ESCO1: variants seen among roughly 807,000 people sequenced by gnomAD.
ESCO1 encodes the protein establishment of sister chromatid cohesion N-acetyltransferase 1.
A neutral mutation model predicts 83.5 loss-of-function variants in ESCO1; 33 were observed. That is an observed-to-expected ratio of 0.40 (90% CI 0.30 to 0.53). The LOEUF is 0.53. ESCO1 is among the 20% of genes least tolerant of loss of function. ESCO1 has a pLI of 0.63. For missense variants in ESCO1, 855 were observed against 968.0 expected (o/e 0.88, Z 1.55); for synonymous variants, 332 against 324.3 (o/e 1.02, Z -0.25).
intron 8 of ESCO1, among the ~76,000 whole-genome samples, chr18:21,560,325 A>ATTTT (rs36024258): frequency 9.1e-5 from 13 of 143,012 alleles, no homozygotes; most frequent in African/African-American, 2.6e-4. Context: ...CTCTGTGGGA[A>ATTTT]TTTTTTTTTT....
intron 1 of ESCO1, among the ~76,000 whole-genome samples, chr18:21,598,680 C>T (rs1228650937): frequency 1.3e-5 from 2 of 151,152 alleles, no homozygotes; most frequent in Non-Finnish European, 2.9e-5. Context: ...CCAGCCCGGA[C>T]GACAGAGTGA....
intron 8 of ESCO1, among the ~76,000 whole-genome samples, chr18:21,550,845 G>A (rs1378373614): frequency 6.6e-6 from 1 of 152,194 alleles, no homozygotes; most frequent in African/African-American, 2.4e-5. Flanking sequence ...GGGCGTGGTG[G>A]CTCACGCCTG....
intron 6 of ESCO1, 110 bp from the exon 7 acceptor site, chr18:21,564,427 G>T: frequency 1.3e-6 from 1 of 750,402 alleles, no homozygotes; most frequent in Non-Finnish European, 2.0e-6. Flanking sequence ...GTCTCACTCT[G>T]TCGCCCAGGC....
intron 4 of ESCO1, among the ~76,000 whole-genome samples, chr18:21,569,636 T>C (rs1452238415): frequency 6.6e-6 from 1 of 151,970 alleles, no homozygotes; most frequent in African/African-American, 2.4e-5. Context: ...TCCCAGCTAC[T>C]TGGGAGGCAG....
intron 8 of ESCO1, among the ~76,000 whole-genome samples, chr18:21,556,440 AC>A (rs1270588368): frequency 2.0e-5 from 3 of 152,190 alleles, no homozygotes; most frequent in African/African-American, 7.2e-5. Context: ...AGCAAGAGTT[AC>A]TGGAACATGG....
intron 7 of ESCO1, among the ~76,000 whole-genome samples, chr18:21,562,283 C>T (rs1167858575): frequency 6.6e-6 from 1 of 152,008 alleles, no homozygotes; most frequent in Non-Finnish European, 1.5e-5. Context: ...CAAGACCAGC[C>T]TAGCCAACAT....
intron 5 of ESCO1, 70 bp from the exon 6 acceptor site, chr18:21,566,276 C>T (rs1044234625): frequency 5.7e-6 from 8 of 1,394,180 alleles, no homozygotes; most frequent in Non-Finnish European, 6.9e-6. Flanking sequence ...TGGATAAAAT[C>T]ATTATACATA....
At chr18:21,563,849 C>T (rs1425195052) in intron 7 of ESCO1, among the ~76,000 whole-genome samples, 2 of 151,454 alleles carry the variant, frequency 1.3e-5, no homozygotes, top group African/African-American at 2.4e-5. Flanking sequence ...GATATGTTTG[C>T]GTCTTAGAGG....
In ESCO1 at chr18:21,573,790, G is replaced by A; in HGVS notation, c.1054C>T (p.His352Tyr). ...EETSVERQIL[H>Y]QKETNQDVQC... ...ACATCCTGATTTGTTTCCTTCTGAT[G>A]AAGTATTTGTCTTTCAACACTGGTC... The change falls in exon 4 of 12, where the codon CAT (histidine) becomes TAT (tyrosine). Residue 352 changes from histidine (H) to tyrosine (Y), a missense_variant. Coordinates refer to ENST00000269214, the MANE Select transcript of ESCO1 (RefSeq NM_052911.3). The A allele has an allele frequency of 1.9e-6, 3 of 1,614,118 alleles. No homozygotes were observed. The highest frequency in any genetic ancestry group is 2.5e-6 in the Non-Finnish European group (3 of 1,180,022).
intron 1 of ESCO1, chr18:21,593,578 T>G (rs1598482086): frequency 6.3e-5 from 2 of 31,712 alleles, no homozygotes; most frequent in African/African-American, 7.7e-5. Flanking sequence ...AGGGAGACCG[T>G]GGAAAGAGAG....
At chr18:21,560,170 C>T (rs1410341324) in intron 8 of ESCO1, among the ~76,000 whole-genome samples, 1 of 151,738 alleles carries the variant, frequency 6.6e-6, no homozygotes, top group Non-Finnish European at 1.5e-5. Flanking sequence ...AACAGCAATT[C>T]AATTAAATTA....
intron 2 of ESCO1, among the ~76,000 whole-genome samples, chr18:21,580,040 C>T (rs2038479846): frequency 6.6e-6 from 1 of 151,484 alleles, no homozygotes; most frequent in Non-Finnish European, 1.5e-5. Context: ...GGATTACAGG[C>T]ACGCACCACC....
Position 21,573,855 on chromosome 18 carries a change from C to G in ESCO1, c.989G>C (p.Ser330Thr), listed in dbSNP as rs1236532088. 8 of 1,613,920 alleles carry G rather than the reference C, an allele frequency of 5.0e-6. No homozygotes were observed. The highest frequency in any genetic ancestry group is 1.3e-5 in the African/African-American group (1 of 74,906). ...TTCTGTGGGCTTTTCTTCCTTTACACTTTCCATTTGTGAAGATTCCTTTTT... is the reference window on the plus strand; with the variant it reads ...TTCTGTGGGCTTTTCTTCCTTTACAGTTTCCATTTGTGAAGATTCCTTTTT... ...EVKKESSQME[S>T]VKEEKPTEIK... is the part of the protein sequence containing the mutation. The change falls in exon 4 of 12, where the codon AGT becomes ACT. Residue 330 changes from serine (S) to threonine (T), a missense_variant. This residue lies in a region of ESCO1 where 726 missense variants were observed against 699.5 expected (regional missense o/e 1.04). Transcript: ENST00000269214.
At chr18:21,595,099 G>A (rs1032619470) in intron 1 of ESCO1, among the ~76,000 whole-genome samples, 2 of 151,582 alleles carry the variant, frequency 1.3e-5, no homozygotes, top group African/African-American at 4.9e-5. Context: ...CACCTGCCTC[G>A]GCCTCCCAAG....
chr18:21,571,715 A>AG (rs1476427169), intron 4 of ESCO1, among the ~76,000 whole-genome samples: 1 of 152,224 alleles, frequency 6.6e-6, no homozygotes, highest in Non-Finnish European at 1.5e-5. Flanking sequence ...AGCAATTAGA[A>AG]GACACACTCT....
intron 10 of ESCO1, among the ~76,000 whole-genome samples, chr18:21,533,520 T>C (rs1314289988): frequency 6.6e-6 from 1 of 152,116 alleles, no homozygotes; most frequent in East Asian, 1.9e-4. Context: ...GGTCTTGAAC[T>C]CCTGGATTAC....
rs1226038735 is a variant in ESCO1, at chr18:21,573,303, A to G, written c.1530+11T>C. ...TCGGCACCTCTATTGTGCATAATAA[A>G]AACAGATTACCTTATTTGATGCTGA... On this transcript the variant is annotated intron_variant, in intron 4 of 11. Transcript: ENST00000269214. 6.4e-7 allele frequency: 1 copy of G among 1,552,712 alleles called. No individual in the cohort carries two copies. Among genetic ancestry groups the G allele is most frequent in the African/African-American group, 1.4e-5 (1 of 72,170 alleles).
intron 9 of ESCO1, among the ~76,000 whole-genome samples, chr18:21,539,097 A>G (rs1258982799): frequency 6.6e-6 from 1 of 152,000 alleles, no homozygotes; most frequent in Admixed American, 6.6e-5. Flanking sequence ...ATGTTTCCGC[A>G]TTATATTTAT....
rs1326998576 is a variant in ESCO1, at chr18:21,593,268, G to A, written c.-825+7355C>T. The A allele has an allele frequency of 4.0e-5, 7 of 173,240 alleles. No individual in the cohort carries two copies. In the South Asian group the frequency reaches 4.5e-4, roughly 11 times the overall value. 10.7% of individuals were successfully genotyped at this position (173,240 alleles called of 1,614,324 possible). Reference sequence around the variant, plus strand: ...TGGGAGGTGGAGGTTGTAGCGAGCCGAGATCACGCCACTGCACTCCAGCCT... The same window carrying A: ...TGGGAGGTGGAGGTTGTAGCGAGCCAAGATCACGCCACTGCACTCCAGCCT... On this transcript the variant is annotated intron_variant, in intron 1 of 11. Coordinates refer to ENST00000269214, the MANE Select transcript of ESCO1 (RefSeq NM_052911.3).
Sources: gnomAD v4.1 joint callset for allele counts (sites outside exome capture counted in the v4.1 genomes callset) on GRCh38, gnomAD v4.1.1 for gene constraint, gnomAD v4.1.1 regional missense constraint, MANE v1.5 for transcripts, NCBI Gene and HGNC (gene_info 2026-07-23, HGNC 2026-07-21) for gene names.